The following LINGO2 variants were observed in gnomAD, a reference collection of about 807,000 sequenced individuals.
LINGO2 encodes the protein leucine-rich repeat and immunoglobulin-like domain-containing nogo receptor-interacting protein 2.
In LINGO2, 14 loss-of-function variants were observed where a neutral mutation model predicts 30.6. The observed-to-expected ratio is 0.46, with a 90% CI of 0.30 to 0.72. The LOEUF is 0.72. LINGO2 is among the 30% of genes least tolerant of loss of function. LINGO2 has a pLI of 0.07. For missense variants in LINGO2, 729 were observed against 751.7 expected, an observed-to-expected ratio of 0.97 and a Z score of 0.35; for synonymous variants, 317 against 288.5, an observed-to-expected ratio of 1.10 and a Z score of -1.00.
At chr9:28,473,709 G>C (rs1825619747) in intron 2 of LINGO2, among the ~76,000 whole-genome samples, 1 of 151,996 alleles carries the variant, frequency 6.6e-6, no homozygotes, top group Non-Finnish European at 1.5e-5. Flanking sequence ...AAGAAACACA[G>C]GGTCTCTCTA....
intron 4 of LINGO2, among the ~76,000 whole-genome samples, chr9:28,240,692 A>G (rs1464769416): frequency 1.3e-5 from 2 of 152,174 alleles, no homozygotes; most frequent in Non-Finnish European, 2.9e-5. Flanking sequence ...TGAAACTAGT[A>G]AAAGAAAACC....
At chr9:29,180,911 T>A in the LINGO2 span, among the ~76,000 whole-genome samples, 1 of 152,018 alleles carries the variant, frequency 6.6e-6, no homozygotes, top group Admixed American at 6.6e-5. Context: ...AAAACAAAAT[T>A]TCTCAGAGAG....
At chr9:28,217,194 T>C (rs1052797535) in intron 4 of LINGO2, among the ~76,000 whole-genome samples, 2 of 151,256 alleles carry the variant, frequency 1.3e-5, no homozygotes, top group African/African-American at 2.4e-5. Context: ...TTGAGTGGTG[T>C]ATTATTTTTA....
the LINGO2 span, among the ~76,000 whole-genome samples, chr9:29,053,367 T>A: frequency 6.6e-6 from 1 of 152,116 alleles, no homozygotes; most frequent in African/African-American, 2.4e-5. Flanking sequence ...TGTGTGATGT[T>A]CCCCTTCCTC....
chr9:29,009,676 A>G, the LINGO2 span, among the ~76,000 whole-genome samples: 1 of 152,186 alleles, frequency 6.6e-6, no homozygotes, highest in Non-Finnish European at 1.5e-5. Flanking sequence ...ATTGGAAAAA[A>G]CAACTTTAAA....
rs149629703 is a variant in LINGO2 at position 28,637,481 on chromosome 9, T to A, written c.-365+32719A>T. Among the ~76,000 whole-genome samples the A allele has an allele frequency of 3.5e-3, 529 of 152,284 alleles. 6 individuals carry two copies. Among genetic ancestry groups the A allele is most frequent in the African/African-American group, 0.012 (511 of 41,556 alleles). ...TGGAATGTTCTTCCATTTCTTTGTA[T>A]CCTCTTTTATTTCGTTGAGCAGTGT... On this transcript the variant is annotated intron_variant, in intron 1 of 5. Transcript: ENST00000379992.
the LINGO2 span, among the ~76,000 whole-genome samples, chr9:29,065,085 C>T: frequency 1.3e-5 from 2 of 152,182 alleles, no homozygotes; most frequent in Admixed American, 1.3e-4. Flanking sequence ...TATTTGCTCC[C>T]TAGGGAATTT....
intron 1 of LINGO2, among the ~76,000 whole-genome samples, chr9:28,506,421 T>TAC (rs1235639387): frequency 6.2e-3 from 32 of 5,146 alleles, no homozygotes; most frequent in African/African-American, 0.011. Context: ...TATATATATA[T>TAC]ACACACACAC....
chr9:28,333,425 G>A (rs542321983), intron 3 of LINGO2, among the ~76,000 whole-genome samples: 1 of 152,056 alleles, frequency 6.6e-6, no homozygotes, highest in African/African-American at 2.4e-5. Flanking sequence ...GGGAGGCTAA[G>A]GTACATTCAA....
the LINGO2 span, among the ~76,000 whole-genome samples, chr9:29,088,214 G>A: frequency 2.0e-5 from 3 of 152,042 alleles, no homozygotes; most frequent in Non-Finnish European, 2.9e-5. Flanking sequence ...CACAAAGATT[G>A]ACCACACCTA....
intron 4 of LINGO2, among the ~76,000 whole-genome samples, chr9:28,112,022 T>G (rs971940001): frequency 2.3e-5 from 3 of 128,418 alleles, no homozygotes; most frequent in African/African-American, 8.9e-5. Flanking sequence ...ATGTGTCATC[T>G]AGCATTAGGT....
chr9:28,035,939 A>T (rs1172565171), intron 4 of LINGO2, among the ~76,000 whole-genome samples: 8 of 152,076 alleles, frequency 5.3e-5, no homozygotes, highest in African/African-American at 1.9e-4. Flanking sequence ...ATACTGACTC[A>T]TCAGGCAGTT....
chr9:29,066,635 A>G, the LINGO2 span, among the ~76,000 whole-genome samples: 1 of 152,098 alleles, frequency 6.6e-6, no homozygotes, highest in South Asian at 2.1e-4. Context: ...AAATGAATTT[A>G]CAAGCATCTA....
the LINGO2 span, among the ~76,000 whole-genome samples, chr9:28,913,667 T>A: frequency 2.6e-5 from 4 of 152,118 alleles, no homozygotes; most frequent in African/African-American, 9.7e-5. Flanking sequence ...GGTCCTTACA[T>A]CCCATATTTC....
the LINGO2 span, among the ~76,000 whole-genome samples, chr9:29,181,751 T>C: frequency 6.6e-6 from 1 of 151,904 alleles, no homozygotes; most frequent in Non-Finnish European, 1.5e-5. Context: ...AGCCAGCCAA[T>C]GTGACGTACC....
chr9:28,502,820 T>C (rs997195932), intron 1 of LINGO2, among the ~76,000 whole-genome samples: 9 of 152,112 alleles, frequency 5.9e-5, no homozygotes, highest in African/African-American at 2.2e-4. Flanking sequence ...CTTTTAGTGC[T>C]ATAAAAATGT....
At chr9:28,055,713 A>C (rs1824902147) in intron 4 of LINGO2, among the ~76,000 whole-genome samples, 1 of 152,206 alleles carries the variant, frequency 6.6e-6, no homozygotes, top group Admixed American at 6.6e-5. Context: ...GTTACTTAAA[A>C]TTCTTTAAAA....
At chr9:29,072,716 T>C in the LINGO2 span, among the ~76,000 whole-genome samples, 1 of 151,130 alleles carries the variant, frequency 6.6e-6, no homozygotes, top group East Asian at 2.0e-4. Context: ...CTTGTCATCC[T>C]GTCTTTCCCT....
At chr9:28,656,949 C>G (rs1828372003) in intron 1 of LINGO2, among the ~76,000 whole-genome samples, 1 of 152,008 alleles carries the variant, frequency 6.6e-6, no homozygotes, top group South Asian at 2.1e-4. Context: ...GCGGATAGAT[C>G]AACATAGTGA....
Sources: gnomAD v4.1 joint callset for allele counts (sites outside exome capture counted in the v4.1 genomes callset) on GRCh38, gnomAD v4.1.1 for gene constraint, MANE v1.5 for transcripts, NCBI Gene and HGNC (gene_info 2026-07-23, HGNC 2026-07-21) for gene names.